The following DIP2C variants were observed in gnomAD, a reference collection of about 807,000 sequenced individuals.
DIP2C encodes disco-interacting protein 2 homolog C.
In DIP2C, 33 loss-of-function variants were observed where a neutral mutation model predicts 192.4. The ratio of observed to expected loss-of-function variants is 0.17; its 90% CI spans 0.13 to 0.23. The LOEUF is 0.23. Ranked by LOEUF, DIP2C falls within the 10% of genes least tolerant of loss-of-function variation. The pLI is 1.00. For missense variants in DIP2C, 1,537 were observed against 2,110.1 expected, an observed-to-expected ratio of 0.73 and a Z score of 5.32; for synonymous variants, 979 against 864.1, an observed-to-expected ratio of 1.13 and a Z score of -2.33.
intron 1 of DIP2C, among the ~76,000 whole-genome samples, chr10:582,284 G>A (rs1340920732): frequency 6.6e-6 from 1 of 152,186 alleles, no homozygotes; most frequent in African/African-American, 2.4e-5. Context: ...GGGCAGAAAG[G>A]AAGCCTGAGG....
At chr10:464,751 T>C (rs184215083) in intron 3 of DIP2C, among the ~76,000 whole-genome samples, 8 of 152,324 alleles carry the variant, frequency 5.3e-5, no homozygotes, top group Non-Finnish European at 8.8e-5. Flanking sequence ...AATGATAGAC[T>C]GGATAAAGAA....
At chr10:357,685 G>T in intron 23 of DIP2C, 143 bp downstream of exon 23, 1 of 593,268 alleles carries the variant, frequency 1.7e-6, no homozygotes, top group South Asian at 2.5e-5. Context: ...GACTGTCGGG[G>T]ACGGTTGCGG....
intron 1 of DIP2C, among the ~76,000 whole-genome samples, chr10:589,940 A>G (rs1564238870): frequency 6.6e-6 from 1 of 152,252 alleles, no homozygotes. Flanking sequence ...AACTGCTGAG[A>G]AGCGTGTGAT....
At chr10:554,492 G>A (rs1456244633) in intron 1 of DIP2C, among the ~76,000 whole-genome samples, 1 of 152,234 alleles carries the variant, frequency 6.6e-6, no homozygotes, top group Non-Finnish European at 1.5e-5. Flanking sequence ...TGTCAAGGGT[G>A]GTTATAAGTT....
intron 2 of DIP2C, among the ~76,000 whole-genome samples, chr10:482,827 T>C (rs1843705539): frequency 6.6e-6 from 1 of 152,168 alleles, no homozygotes; most frequent in Non-Finnish European, 1.5e-5. Context: ...TTTCCTAGGT[T>C]TACAACTTTG....
chr10:686,734 A>G (rs1225889392), intron 1 of DIP2C, among the ~76,000 whole-genome samples: 1 of 152,252 alleles, frequency 6.6e-6, no homozygotes, highest in Non-Finnish European at 1.5e-5. Context: ...GGACAGGGAC[A>G]GGCAGTGGAA....
intron 32 of DIP2C, among the ~76,000 whole-genome samples, chr10:298,449 G>A (rs572132034): frequency 1.3e-5 from 2 of 152,316 alleles, no homozygotes; most frequent in Middle Eastern, 3.4e-3. Flanking sequence ...GGTTTTCCCC[G>A]TCCCTTCCAC....
chr10:551,407 G>C (rs1194858819), intron 1 of DIP2C, among the ~76,000 whole-genome samples: 1 of 152,248 alleles, frequency 6.6e-6, no homozygotes, highest in Non-Finnish European at 1.5e-5. Flanking sequence ...GGAGGCTGTG[G>C]AAGGGGTCCA....
intron 1 of DIP2C, among the ~76,000 whole-genome samples, chr10:534,999 G>A (rs1488503691): frequency 1.3e-5 from 2 of 152,120 alleles, no homozygotes; most frequent in South Asian, 2.1e-4. Flanking sequence ...TTAACAATAG[G>A]TACTCTTAAG....
intron 32 of DIP2C, among the ~76,000 whole-genome samples, chr10:290,095 C>T (rs1029051831): frequency 6.6e-6 from 1 of 152,172 alleles, no homozygotes; most frequent in Non-Finnish European, 1.5e-5. Flanking sequence ...AGAGAGGAGA[C>T]GCTGGGGAGG....
intron 1 of DIP2C, among the ~76,000 whole-genome samples, chr10:521,326 G>A (rs953630481): frequency 6.6e-6 from 1 of 152,194 alleles, no homozygotes; most frequent in African/African-American, 2.4e-5. Context: ...CGAGCAGCCT[G>A]TGGATTCTGA....
intron 1 of DIP2C, among the ~76,000 whole-genome samples, chr10:584,412 A>AG (rs1850867561): frequency 6.8e-6 from 1 of 147,854 alleles, no homozygotes. Context: ...ATCACCTCTC[A>AG]ATCTCGGGGC....
intron 17 of DIP2C, among the ~76,000 whole-genome samples, chr10:371,013 C>T (rs150115777): frequency 6.6e-6 from 1 of 152,178 alleles, no homozygotes; most frequent in African/African-American, 2.4e-5. Flanking sequence ...AGAAAACCCA[C>T]ACGGAACTAC....
intron 2 of DIP2C, among the ~76,000 whole-genome samples, chr10:485,626 C>A (rs975166614): frequency 7.9e-5 from 12 of 152,226 alleles, no homozygotes; most frequent in Non-Finnish European, 1.6e-4. Flanking sequence ...CCCGGACGGG[C>A]CTCGGGAAGA....
At chr10:386,619 A>G (rs1241364388) in intron 14 of DIP2C, among the ~76,000 whole-genome samples, 1 of 152,224 alleles carries the variant, frequency 6.6e-6, no homozygotes, top group Non-Finnish European at 1.5e-5. Context: ...GAAAGAAGCC[A>G]GCCGGGCTGC....
At chr10:309,787 G>A (rs573614068) in intron 32 of DIP2C, among the ~76,000 whole-genome samples, 2 of 152,198 alleles carry the variant, frequency 1.3e-5, no homozygotes, top group East Asian at 1.9e-4. Context: ...CTGACCTCAG[G>A]TGATCCGCCT....
intron 9 of DIP2C, among the ~76,000 whole-genome samples, chr10:400,181 T>G (rs1445609620): frequency 6.6e-6 from 1 of 150,410 alleles, no homozygotes; most frequent in African/African-American, 2.5e-5. Flanking sequence ...CACTACTGCA[T>G]GCAGCTAATT....
chr10:485,691 T>C (rs893618960), intron 2 of DIP2C, among the ~76,000 whole-genome samples: 1 of 152,208 alleles, frequency 6.6e-6, no homozygotes, highest in African/African-American at 2.4e-5. Context: ...CCTTCTAAAA[T>C]CTTCTTTCAA....
rs1288949285 is a variant in DIP2C at position 413,896 on chromosome 10, G to C, written c.1057+17C>G. 2 of 1,610,640 alleles carry C rather than the reference G, an allele frequency of 1.2e-6. No homozygotes were observed. The highest frequency in any genetic ancestry group is 1.7e-6 in the Non-Finnish European group (2 of 1,177,714). Reference sequence around the variant, plus strand: ...CGAGGGGGTGGGCAAAGGGCAGAGAGTGAGCCTGGGGATTACCGTAAGTGA... The same window carrying C: ...CGAGGGGGTGGGCAAAGGGCAGAGACTGAGCCTGGGGATTACCGTAAGTGA... On this transcript the variant is annotated intron_variant, in intron 8 of 36. Coordinates refer to ENST00000280886, the MANE Select transcript of DIP2C (RefSeq NM_014974.3).
Sources: gnomAD v4.1 joint callset for allele counts (sites outside exome capture counted in the v4.1 genomes callset) on GRCh38, gnomAD v4.1.1 for gene constraint, MANE v1.5 for transcripts, NCBI Gene and HGNC (gene_info 2026-07-23, HGNC 2026-07-21) for gene names.